REDIC1: variants seen among roughly 807,000 people sequenced by gnomAD.
REDIC1 encodes HEI10 Interacting Protein 1.
chr12:39,721,190 G>A, the REDIC1 span: 2 of 1,613,518 alleles, frequency 1.2e-6, no homozygotes, highest in South Asian at 1.1e-5. Flanking sequence ...AACCTTGAAA[G>A]GTGCAGTGGA....
At chr12:39,660,912 A>C in the REDIC1 span, among the ~76,000 whole-genome samples, 4 of 152,054 alleles carry the variant, frequency 2.6e-5, no homozygotes, top group Admixed American at 1.3e-4. Context: ...GAGTGAGTAC[A>C]TGTGCTATTT....
the REDIC1 span, among the ~76,000 whole-genome samples, chr12:39,844,882 C>T: frequency 6.6e-6 from 1 of 151,988 alleles, no homozygotes; most frequent in Admixed American, 6.6e-5. Flanking sequence ...GATTCTGTCT[C>T]CAACAGAATA....
chr12:39,745,056 T>C, the REDIC1 span, among the ~76,000 whole-genome samples: 1 of 152,232 alleles, frequency 6.6e-6, no homozygotes, highest in African/African-American at 2.4e-5. Flanking sequence ...TCAGACAGAG[T>C]AGACTTCAGA....
the REDIC1 span, among the ~76,000 whole-genome samples, chr12:39,679,962 A>T: frequency 6.6e-6 from 1 of 152,012 alleles, no homozygotes; most frequent in Non-Finnish European, 1.5e-5. Flanking sequence ...CTGGATCCTC[A>T]TCTCTCACCT....
chr12:39,843,734 G>A, the REDIC1 span, among the ~76,000 whole-genome samples: 3 of 152,024 alleles, frequency 2.0e-5, no homozygotes, highest in Non-Finnish European at 2.9e-5. Flanking sequence ...AATGGTGGAG[G>A]CTCTATTACT....
At chr12:39,714,236 T>TATATATGTATATACGTATATGCATGC in the REDIC1 span, among the ~76,000 whole-genome samples, 3 of 134,006 alleles carry the variant, frequency 2.2e-5, 1 homozygote, top group African/African-American at 8.4e-5. Flanking sequence ...TGCATATATG[T>TATATATGTATATACGTATATGCATGC]ATATATGTAT....
At chr12:39,906,360 G>A in the REDIC1 span, among the ~76,000 whole-genome samples, 1 of 152,056 alleles carries the variant, frequency 6.6e-6, no homozygotes, top group Non-Finnish European at 1.5e-5. Context: ...TCCTCCTGCT[G>A]TTTATGGGGA....
the REDIC1 span, among the ~76,000 whole-genome samples, chr12:39,641,435 A>G: frequency 6.6e-6 from 1 of 151,800 alleles, no homozygotes. Context: ...CCTTTTGGAT[A>G]TGTACAAGAT....
the REDIC1 span, among the ~76,000 whole-genome samples, chr12:39,686,847 C>T: frequency 6.6e-6 from 1 of 152,316 alleles, no homozygotes; most frequent in African/African-American, 2.4e-5. Flanking sequence ...TCTTATGAAG[C>T]AGCTGGTCCA....
chr12:39,714,063 GTGTA>G, the REDIC1 span, among the ~76,000 whole-genome samples: 1 of 8,324 alleles, frequency 1.2e-4, no homozygotes, highest in Admixed American at 1.6e-3. Flanking sequence ...ATACACGTAT[GTGTA>G]TATACGTGTA....
At chr12:39,677,549 CA>C in the REDIC1 span, among the ~76,000 whole-genome samples, 2 of 152,194 alleles carry the variant, frequency 1.3e-5, no homozygotes, top group South Asian at 4.1e-4. Context: ...AGAAAGTCAA[CA>C]AAGAAACAAT....
the REDIC1 span, among the ~76,000 whole-genome samples, chr12:39,658,996 C>T: frequency 6.6e-6 from 1 of 151,804 alleles, no homozygotes; most frequent in Non-Finnish European, 1.5e-5. Context: ...TTTTAGTGGT[C>T]TTCATTATTT....
At chr12:39,779,082 G>A in the REDIC1 span, among the ~76,000 whole-genome samples, 1 of 152,222 alleles carries the variant, frequency 6.6e-6, no homozygotes, top group Non-Finnish European at 1.5e-5. Flanking sequence ...CCTACAGCTG[G>A]CCCCAAGGGC....
the REDIC1 span, among the ~76,000 whole-genome samples, chr12:39,718,814 T>A: frequency 6.6e-6 from 1 of 152,128 alleles, no homozygotes; most frequent in Admixed American, 6.6e-5. Flanking sequence ...CCCTATTACC[T>A]TGATATTTTT....
chr12:39,905,953 T>C, the REDIC1 span, among the ~76,000 whole-genome samples: 4 of 152,128 alleles, frequency 2.6e-5, no homozygotes, highest in African/African-American at 9.7e-5. Flanking sequence ...ATATTTGGTA[T>C]AAAAAGTATA....
At chr12:39,759,394 G>A in the REDIC1 span, 1 of 152,342 alleles carries the variant, frequency 6.6e-6, no homozygotes, top group Non-Finnish European at 1.5e-5. Flanking sequence ...AAAAGATAGT[G>A]TGCAGAGTCA....
At chr12:39,691,210 C>T in the REDIC1 span, among the ~76,000 whole-genome samples, 8 of 152,104 alleles carry the variant, frequency 5.3e-5, no homozygotes, top group Admixed American at 3.9e-4. Context: ...ACTTACGTAA[C>T]ATGTCTAAAC....
chr12:39,837,266 C>G, the REDIC1 span, among the ~76,000 whole-genome samples: 2 of 150,184 alleles, frequency 1.3e-5, no homozygotes, highest in Non-Finnish European at 3.0e-5. Flanking sequence ...ATAAATGGTG[C>G]TGGGAAAACT....
chr12:39,874,353 C>T, the REDIC1 span, among the ~76,000 whole-genome samples: 1 of 152,204 alleles, frequency 6.6e-6, no homozygotes, highest in South Asian at 2.1e-4. Context: ...GTGGCTCACA[C>T]CTGTAATCCC....
Sources: gnomAD v4.1 joint callset for allele counts (sites outside exome capture counted in the v4.1 genomes callset) on GRCh38, gnomAD v4.1.1 for gene constraint, MANE v1.5 for transcripts, NCBI Gene and HGNC (gene_info 2026-07-23, HGNC 2026-07-21) for gene names.